HDAC9: variants seen among roughly 807,000 people sequenced by gnomAD.
HDAC9 encodes the protein MEF-2 interacting transcription repressor (MITR) protein.
A neutral mutation model predicts 139.4 loss-of-function variants in HDAC9; 41 were observed. The ratio of observed to expected loss-of-function variants is 0.29; its 90% CI spans 0.23 to 0.38. The LOEUF (loss-of-function observed/expected upper bound fraction) is 0.38, where lower values mean the gene tolerates loss of function less well. Among genes scored for constraint, HDAC9 ranks in the 10% least tolerant of loss-of-function variants. The pLI is 1.00. For missense variants in HDAC9, 1,147 were observed against 1,297.0 expected, an observed-to-expected ratio of 0.88 and a Z score of 1.78; for synonymous variants, 517 against 476.2, an observed-to-expected ratio of 1.09 and a Z score of -1.12.
chr7:18,427,697 CTTCT>C (rs1245205436), intron 1 of HDAC9, among the ~76,000 whole-genome samples: 4 of 150,884 alleles, frequency 2.7e-5, no homozygotes, highest in African/African-American at 7.3e-5. Context: ...TTTCTTTCTT[CTTCT>C]TTTTTTTTTT....
At chr7:18,197,278 C>T (rs143162996) in intron 2 of HDAC9, among the ~76,000 whole-genome samples, 21 of 152,088 alleles carry the variant, frequency 1.4e-4, no homozygotes, top group Middle Eastern at 6.8e-3. Flanking sequence ...CTGACTAATA[C>T]GCGTAGTATA....
At chr7:18,254,920 G>T (rs1795135839) in intron 2 of HDAC9, among the ~76,000 whole-genome samples, 1 of 152,060 alleles carries the variant, frequency 6.6e-6, no homozygotes, top group East Asian at 1.9e-4. Flanking sequence ...ACTGAAAAAT[G>T]TAGACTAAAC....
At chr7:18,295,419 A>G (rs1353327156) in intron 1 of HDAC9, among the ~76,000 whole-genome samples, 1 of 152,176 alleles carries the variant, frequency 6.6e-6, no homozygotes, top group Non-Finnish European at 1.5e-5. Flanking sequence ...GGCAGAAAAT[A>G]TAATTTCTTT....
intron 1 of HDAC9, among the ~76,000 whole-genome samples, chr7:18,375,907 A>G (rs992449709): frequency 6.6e-6 from 1 of 152,234 alleles, no homozygotes; most frequent in African/African-American, 2.4e-5. Flanking sequence ...CAAAGATGAA[A>G]TGAAATCATG....
intron 1 of HDAC9, among the ~76,000 whole-genome samples, chr7:18,490,275 G>T (rs1419562647): frequency 6.6e-6 from 1 of 151,948 alleles, no homozygotes; most frequent in Non-Finnish European, 1.5e-5. Context: ...TCGTTCTGGG[G>T]TAGGAACCAA....
intron 1 of HDAC9, among the ~76,000 whole-genome samples, chr7:18,368,100 C>T (rs1035707368): frequency 3.3e-5 from 5 of 152,060 alleles, no homozygotes; most frequent in Admixed American, 6.6e-5. Context: ...TATCTTTTCC[C>T]AGATTGCATA....
intron 24 of HDAC9, among the ~76,000 whole-genome samples, chr7:18,967,590 G>A (rs1426173631): frequency 3.4e-5 from 5 of 148,380 alleles, no homozygotes; most frequent in Non-Finnish European, 4.4e-5. Flanking sequence ...AAAATCATTT[G>A]GTTTTGCATT....
intron 1 of HDAC9, among the ~76,000 whole-genome samples, chr7:18,356,358 GTTTTTTTTTTTT>G (rs5882659): frequency 1.8e-4 from 10 of 55,142 alleles, no homozygotes; most frequent in African/African-American, 3.6e-4. Context: ...CAGCACATAG[GTTTTTTTTTTTT>G]TTTTTTTTTT....
intron 2 of HDAC9, among the ~76,000 whole-genome samples, chr7:18,584,888 G>T (rs552733995): frequency 2.4e-4 from 36 of 152,138 alleles, no homozygotes; most frequent in Non-Finnish European, 4.4e-4. Context: ...ATGTAGTCAT[G>T]GTGGAAGTTC....
intron 1 of HDAC9, among the ~76,000 whole-genome samples, chr7:18,477,304 C>G (rs1357949320): frequency 3.3e-5 from 5 of 152,150 alleles, no homozygotes; most frequent in Non-Finnish European, 7.3e-5. Context: ...GCCTTTGAGA[C>G]CTTACTTGGT....
At chr7:18,305,866 A>C (rs144513074) in intron 1 of HDAC9, among the ~76,000 whole-genome samples, 5 of 152,006 alleles carry the variant, frequency 3.3e-5, no homozygotes, top group Admixed American at 2.0e-4. Flanking sequence ...GGGTTGGTGA[A>C]GGGAAGTACT....
At chr7:18,742,156 A>G (rs1234031358) in intron 13 of HDAC9, among the ~76,000 whole-genome samples, 1 of 152,202 alleles carries the variant, frequency 6.6e-6, no homozygotes, top group East Asian at 1.9e-4. Flanking sequence ...AAGAAGGTCT[A>G]CTATCGGTTA....
At chr7:18,393,644 A>C (rs553903921) in intron 1 of HDAC9, among the ~76,000 whole-genome samples, 2 of 152,312 alleles carry the variant, frequency 1.3e-5, no homozygotes, top group East Asian at 3.9e-4. Context: ...TTAAAGCCAC[A>C]GAATTTTAGA....
chr7:18,907,388 C>T (rs193261957), intron 22 of HDAC9, among the ~76,000 whole-genome samples: 13 of 152,228 alleles, frequency 8.5e-5, no homozygotes, highest in East Asian at 3.9e-4. Flanking sequence ...ACTTAATTCA[C>T]GAGTGATGAA....
chr7:18,953,371 G>GCCAAACACATCA (rs1448813715), intron 23 of HDAC9, among the ~76,000 whole-genome samples: 1 of 152,104 alleles, frequency 6.6e-6, no homozygotes, highest in Non-Finnish European at 1.5e-5. Context: ...AATCACCACA[G>GCCAAACACATCA]CATTCTGAGG....
chr7:18,164,453 C>A (rs901249339), intron 2 of HDAC9, among the ~76,000 whole-genome samples: 1 of 152,152 alleles, frequency 6.6e-6, no homozygotes, highest in African/African-American at 2.4e-5. Context: ...TGGTCTTATG[C>A]AATCATCATC....
rs1286772457 is a variant in HDAC9 at position 18,727,574 on chromosome 7, C to G, written c.1732-6C>G. 1.9e-6 allele frequency: 3 copies of G among 1,586,284 alleles called. No homozygotes were observed. Among genetic ancestry groups the G allele is most frequent in the Non-Finnish European group, 2.6e-6 (3 of 1,166,970 alleles). On this transcript the variant is annotated splice_polypyrimidine_tract_variant and splice_region_variant and intron_variant, in intron 12 of 25. Coordinates refer to ENST00000686413, the MANE Select transcript of HDAC9 (RefSeq NM_178425.4). ...TCTTTCTACTGTGCTCTTTTCTTGG[C>G]AACAGCCTTTCCTGGAACCCACGCA...
chr7:18,405,239 C>T (rs777204529), intron 1 of HDAC9, among the ~76,000 whole-genome samples: 8 of 152,302 alleles, frequency 5.3e-5, no homozygotes, highest in Admixed American at 2.0e-4. Flanking sequence ...AGTAAACTTT[C>T]CCTAGCTCTC....
At position 18,930,097 on chromosome 7, in the gene HDAC9, G is replaced by GA. The variant is rs373014433; in HGVS notation, c.2804-5711dup. ...ATGAACCTGTACATGTGGCTGCTCC[G>GA]AGGCATCCAAGCTCCTCCCTCAGCT... On this transcript the variant is annotated intron_variant, in intron 22 of 25. Transcript: ENST00000686413. Among the ~76,000 whole-genome samples, 407 of 152,182 alleles carry GA rather than the reference G, an allele frequency of 2.7e-3. 1 individual carries two copies. The highest frequency in any genetic ancestry group is 0.014 in the Middle Eastern group (4 of 294).
Sources: gnomAD v4.1 joint callset for allele counts (sites outside exome capture counted in the v4.1 genomes callset) on GRCh38, gnomAD v4.1.1 for gene constraint, MANE v1.5 for transcripts, NCBI Gene and HGNC (gene_info 2026-07-23, HGNC 2026-07-21) for gene names.